Variants in WDPCP observed in about 807,000 individuals in gnomAD.
The protein encoded by WDPCP is WD repeat containing planar cell polarity effector, also known as WD repeat-containing and planar cell polarity effector protein fritz homolog.
WDPCP carries 71 observed loss-of-function variants against 93.1 expected under a neutral mutation model. That is an observed-to-expected ratio of 0.76 (90% CI 0.63 to 0.93). The LOEUF (loss-of-function observed/expected upper bound fraction) is 0.93, where lower values mean the gene tolerates loss of function less well. WDPCP is among the 40% of genes least tolerant of loss of function. WDPCP has a pLI of 0.00. For missense variants in WDPCP, 844 were observed against 887.4 expected (o/e 0.95, Z 0.62); for synonymous variants, 315 against 315.0 (o/e 1.00, Z 0.00).
intron 17 of WDPCP, among the ~76,000 whole-genome samples, chr2:63,147,871 A>G (rs915379547): frequency 1.3e-5 from 2 of 149,486 alleles, no homozygotes; most frequent in African/African-American, 4.9e-5. Flanking sequence ...TGGGAGGCTG[A>G]GGCAGGGGAA....
intron 1 of WDPCP, among the ~76,000 whole-genome samples, chr2:63,500,454 G>GGTGTGTGTGTGTGTGTGTGTGTGTGTGT (rs35916043): frequency 1.3e-5 from 2 of 149,580 alleles, no homozygotes; most frequent in African/African-American, 4.9e-5. Flanking sequence ...ATGGTGTGGG[G>GGTGTGTGTGTGTGTGTGTGTGTGTGTGT]GTGTGTGTGT....
At chr2:63,820,747 C>T (rs1172585343) in intron 1 of WDPCP, among the ~76,000 whole-genome samples, 1 of 151,910 alleles carries the variant, frequency 6.6e-6, no homozygotes, top group Non-Finnish European at 1.5e-5. Context: ...ATATTTGTAT[C>T]TTAGTTATCC....
At chr2:63,791,155 AT>A (rs1558911496) in intron 2 of WDPCP, among the ~76,000 whole-genome samples, 1 of 152,154 alleles carries the variant, frequency 6.6e-6, no homozygotes, top group Non-Finnish European at 1.5e-5. Flanking sequence ...GGGGTCTATC[AT>A]TTAGCCCCAC....
At chr2:63,809,864 C>T (rs954421325) in intron 2 of WDPCP, among the ~76,000 whole-genome samples, 9 of 151,808 alleles carry the variant, frequency 5.9e-5, no homozygotes, top group African/African-American at 2.2e-4. Flanking sequence ...TGTCGTATGA[C>T]CCTGCCAAAT....
intron 2 of WDPCP, among the ~76,000 whole-genome samples, chr2:63,696,451 A>G (rs1173743415): frequency 1.3e-5 from 2 of 152,148 alleles, no homozygotes; most frequent in African/African-American, 2.4e-5. Context: ...CATCATTATC[A>G]TTACCATAAC....
upstream of WDPCP, among the ~76,000 whole-genome samples, chr2:63,589,543 G>C (rs968743651): frequency 3.9e-5 from 6 of 152,192 alleles, no homozygotes; most frequent in African/African-American, 1.4e-4. Flanking sequence ...TGCAGCAGAC[G>C]TGTTTCCGCC....
chr2:63,220,110 C>T (rs1677694182), intron 14 of WDPCP, among the ~76,000 whole-genome samples: 1 of 152,164 alleles, frequency 6.6e-6, no homozygotes, highest in Admixed American at 6.5e-5. Flanking sequence ...ATATGTCATC[C>T]TTAAGTTTTA....
chr2:63,174,823 C>T lies in WDPCP; in HGVS notation c.1925G>A (p.Gly642Glu). The change falls in exon 15 of 18, where the codon GGA becomes GAA. Residue 642 changes from glycine to glutamate, a missense_variant. Physicochemically the swap from Gly to Glu is moderately conservative, Grantham distance 98 (BLOSUM62 -2). Transcript: ENST00000272321. The part of the protein sequence containing the change: ...ESITSGVELL[G>E]PLDRGDMLNE... ...TAGCATATCCCCTCTGTCCAAGGGT[C>T]CCAGGAGTTCTGTTGAAAATGATTA... The T allele has an allele frequency of 6.2e-7, 1 of 1,613,712 alleles. No individual in the cohort carries two copies. Among genetic ancestry groups the T allele is most frequent in the Non-Finnish European group, 8.5e-7 (1 of 1,179,824 alleles).
intron 14 of WDPCP, among the ~76,000 whole-genome samples, chr2:63,219,777 G>T (rs1204885059): frequency 6.6e-6 from 1 of 152,162 alleles, no homozygotes; most frequent in African/African-American, 2.4e-5. Flanking sequence ...GAGGCGGGCA[G>T]ATCACGAGGT....
intron 12 of WDPCP, among the ~76,000 whole-genome samples, chr2:63,349,610 A>G (rs1055216850): frequency 5.4e-5 from 8 of 149,032 alleles, no homozygotes; most frequent in African/African-American, 1.7e-4. Context: ...TCCTCTGGGG[A>G]AAAAAAACCC....
intron 15 of WDPCP, among the ~76,000 whole-genome samples, chr2:63,159,099 T>C (rs928701295): frequency 2.0e-5 from 3 of 149,808 alleles, no homozygotes; most frequent in Non-Finnish European, 4.4e-5. Context: ...AAGGCTGCAG[T>C]GAGCTGTGAT....
chr2:63,127,288 AT>A (rs1219746805), intron 17 of WDPCP, among the ~76,000 whole-genome samples: 5 of 151,210 alleles, frequency 3.3e-5, no homozygotes, highest in Non-Finnish European at 7.4e-5. Context: ...TACCCAGCTA[AT>A]TTTTTTTGTA....
chr2:63,523,532 T>C (rs1467051894), intron 1 of WDPCP, among the ~76,000 whole-genome samples: 2 of 152,198 alleles, frequency 1.3e-5, no homozygotes, highest in Non-Finnish European at 2.9e-5. Context: ...TGGCAGATGA[T>C]ATGATTCTAT....
intron 1 of WDPCP, among the ~76,000 whole-genome samples, chr2:63,515,138 C>T (rs978763215): frequency 6.6e-6 from 1 of 152,106 alleles, no homozygotes; most frequent in Admixed American, 6.5e-5. Context: ...CATATTTTAA[C>T]TGTAAAATAT....
chr2:63,763,069 T>G (rs951310559), intron 2 of WDPCP, among the ~76,000 whole-genome samples: 1 of 152,176 alleles, frequency 6.6e-6, no homozygotes, highest in African/African-American at 2.4e-5. Flanking sequence ...GATGCAGCTC[T>G]CTCTATATTT....
chr2:63,309,286 C>A (rs1281950218), intron 13 of WDPCP, among the ~76,000 whole-genome samples: 1 of 152,144 alleles, frequency 6.6e-6, no homozygotes, highest in South Asian at 2.1e-4. Flanking sequence ...TATACTGATG[C>A]AAATTTAAAT....
intron 1 of WDPCP, among the ~76,000 whole-genome samples, chr2:63,825,223 G>C (rs886910657): frequency 5.3e-5 from 8 of 152,030 alleles, no homozygotes; most frequent in African/African-American, 1.9e-4. Flanking sequence ...CTCAGAATCA[G>C]GAGTCAAGAA....
intron 13 of WDPCP, among the ~76,000 whole-genome samples, chr2:63,304,475 A>G (rs997109878): frequency 6.6e-6 from 1 of 152,224 alleles, no homozygotes; most frequent in African/African-American, 2.4e-5. Context: ...TGGGAAGCAC[A>G]AGGGGTCGGG....
At chr2:63,702,538 CTT>C (rs67899382) in intron 2 of WDPCP, among the ~76,000 whole-genome samples, 3 of 147,240 alleles carry the variant, frequency 2.0e-5, no homozygotes, top group Admixed American at 6.8e-5. Context: ...GCTACCCATT[CTT>C]TTTTTTTTTG....
Sources: gnomAD v4.1 joint callset for allele counts (sites outside exome capture counted in the v4.1 genomes callset) on GRCh38, gnomAD v4.1.1 for gene constraint, MANE v1.5 for transcripts, NCBI Gene and HGNC (gene_info 2026-07-23, HGNC 2026-07-21) for gene names.